The following SLC24A2 variants were observed in gnomAD, a reference collection of about 807,000 sequenced individuals.
SLC24A2 encodes the protein solute carrier family 24 member 2, also known as sodium/potassium/calcium exchanger 2.
A neutral mutation model predicts 62.0 loss-of-function variants in SLC24A2; 36 were observed. The ratio of observed to expected loss-of-function variants is 0.58; its 90% CI spans 0.44 to 0.77. The LOEUF (loss-of-function observed/expected upper bound fraction) is 0.77, where lower values mean the gene tolerates loss of function less well. SLC24A2 is among the 30% of genes least tolerant of loss of function. The probability of loss-of-function intolerance (pLI) is 0.00; values close to 1 mark genes in which losing one functional copy is unlikely to be tolerated. For missense variants in SLC24A2, 846 were observed against 817.9 expected, an observed-to-expected ratio of 1.03 and a Z score of -0.42; for synonymous variants, 358 against 294.0, an observed-to-expected ratio of 1.22 and a Z score of -2.23.
intron 2 of SLC24A2, among the ~76,000 whole-genome samples, chr9:19,732,618 A>G (rs1262839966): frequency 6.6e-6 from 1 of 152,178 alleles, no homozygotes; most frequent in African/African-American, 2.4e-5. Context: ...TCAGTCATAC[A>G]TTAGTATATA....
the SLC24A2 span, among the ~76,000 whole-genome samples, chr9:20,202,967 T>C: frequency 6.6e-6 from 1 of 152,206 alleles, no homozygotes; most frequent in African/African-American, 2.4e-5. Flanking sequence ...TGGAGTAAAG[T>C]AGATTTCCAT....
At chr9:19,964,577 T>C in the SLC24A2 span, among the ~76,000 whole-genome samples, 57 of 152,306 alleles carry the variant, frequency 3.7e-4, no homozygotes, top group African/African-American at 1.3e-3. Context: ...TAAGCCTTGA[T>C]ACCAAGGTAT....
chr9:20,212,369 G>A, the SLC24A2 span, among the ~76,000 whole-genome samples: 7,212 of 151,688 alleles, frequency 0.048, 698 homozygotes, highest in African/African-American at 0.16. Context: ...ATAGGATTGG[G>A]GCCAGGCATG....
intron 2 of SLC24A2, among the ~76,000 whole-genome samples, chr9:19,641,633 G>C (rs960371140): frequency 6.6e-5 from 10 of 151,724 alleles, no homozygotes; most frequent in African/African-American, 2.4e-4. Context: ...TCCTGCCTCA[G>C]TCTCCCAAGT....
intron 5 of SLC24A2, among the ~76,000 whole-genome samples, chr9:19,589,003 G>C (rs1241355990): frequency 6.6e-6 from 1 of 152,198 alleles, no homozygotes; most frequent in South Asian, 2.1e-4. Context: ...TTCATTGTTA[G>C]TGTGAGCATA....
At chr9:20,301,164 C>A in the SLC24A2 span, among the ~76,000 whole-genome samples, 1 of 152,206 alleles carries the variant, frequency 6.6e-6, no homozygotes, top group African/African-American at 2.4e-5. Context: ...TGCTCTACCT[C>A]CAGTATCTTC....
At chr9:20,141,362 A>C in the SLC24A2 span, among the ~76,000 whole-genome samples, 1 of 151,962 alleles carries the variant, frequency 6.6e-6, no homozygotes, top group Non-Finnish European at 1.5e-5. Context: ...CCTTACTCCA[A>C]GACCATTTGT....
At chr9:20,127,990 C>A in the SLC24A2 span, among the ~76,000 whole-genome samples, 8 of 152,090 alleles carry the variant, frequency 5.3e-5, 1 homozygote, top group African/African-American at 1.9e-4. Flanking sequence ...ATGCCTACTA[C>A]GTAGTAGCAT....
At chr9:19,816,338 G>C in the SLC24A2 span, among the ~76,000 whole-genome samples, 1 of 151,998 alleles carries the variant, frequency 6.6e-6, no homozygotes, top group Non-Finnish European at 1.5e-5. Context: ...TAATATCCTT[G>C]ACCCAGAAGT....
the SLC24A2 span, among the ~76,000 whole-genome samples, chr9:20,094,160 A>G: frequency 1.7e-4 from 26 of 152,262 alleles, no homozygotes; most frequent in Admixed American, 5.9e-4. Context: ...ATATGTCCTT[A>G]TATATTCTAT....
the SLC24A2 span, among the ~76,000 whole-genome samples, chr9:20,293,851 C>G: frequency 6.6e-6 from 1 of 152,172 alleles, no homozygotes; most frequent in African/African-American, 2.4e-5. Context: ...CCCCCTTAGT[C>G]CTTTCTTCAG....
intron 2 of SLC24A2, among the ~76,000 whole-genome samples, chr9:19,758,763 A>C (rs538166144): frequency 1.2e-4 from 19 of 152,314 alleles, no homozygotes; most frequent in Non-Finnish European, 2.6e-4. Flanking sequence ...TTCCTTTTAA[A>C]TAATGCTATA....
chr9:19,792,370 A>C (rs559203575), upstream of SLC24A2, among the ~76,000 whole-genome samples: 10 of 152,136 alleles, frequency 6.6e-5, no homozygotes, highest in East Asian at 1.9e-3. Context: ...AAATTCTAGT[A>C]AACTGTCATG....
At chr9:19,824,541 G>A in the SLC24A2 span, among the ~76,000 whole-genome samples, 38 of 152,176 alleles carry the variant, frequency 2.5e-4, no homozygotes, top group Admixed American at 1.4e-3. Flanking sequence ...CAAGGCTGTG[G>A]AGAAATGGGA....
chr9:20,268,575 T>C, the SLC24A2 span, among the ~76,000 whole-genome samples: 1 of 152,140 alleles, frequency 6.6e-6, no homozygotes, highest in Non-Finnish European at 1.5e-5. Context: ...CTCAAAACTC[T>C]CAGAGTCTCC....
the SLC24A2 span, among the ~76,000 whole-genome samples, chr9:19,821,465 G>C: frequency 3.9e-5 from 6 of 152,048 alleles, no homozygotes; most frequent in Non-Finnish European, 5.9e-5. Context: ...TGATATCCCT[G>C]TGATCTTGAA....
the SLC24A2 span, chr9:19,957,699 C>T: frequency 6.6e-6 from 1 of 152,306 alleles, no homozygotes; most frequent in East Asian, 1.9e-4. Context: ...GAATTTGGAC[C>T]AGATAAGGCT....
chr9:19,918,162 GTGT>G, the SLC24A2 span, among the ~76,000 whole-genome samples: 1 of 151,656 alleles, frequency 6.6e-6, no homozygotes, highest in Non-Finnish European at 1.5e-5. Context: ...GTGTGTGTGT[GTGT>G]GTGTGTATAC....
At chr9:19,959,055 C>G in the SLC24A2 span, among the ~76,000 whole-genome samples, 1 of 151,448 alleles carries the variant, frequency 6.6e-6, no homozygotes, top group Non-Finnish European at 1.5e-5. Flanking sequence ...GCCTTTTTTC[C>G]CTAAGATCCA....
Sources: allele counts gnomAD v4.1 joint callset (sites outside exome capture counted in the v4.1 genomes callset), GRCh38; gene constraint gnomAD v4.1.1; transcripts MANE v1.5; gene names NCBI Gene and HGNC (gene_info 2026-07-23, HGNC 2026-07-21).